Variants in DLGAP4 observed in about 807,000 individuals in gnomAD.
DLGAP4 encodes DLG associated protein 4.
Under a neutral mutation model 86.9 loss-of-function variants are expected in DLGAP4, and 18 were observed. That is an observed-to-expected ratio of 0.21 (90% CI 0.14 to 0.31). DLGAP4 has a LOEUF of 0.31. Ranked by LOEUF, DLGAP4 falls within the 10% of genes least tolerant of loss-of-function variation. DLGAP4 has a pLI of 1.00. For missense variants in DLGAP4, 1,085 were observed against 1,362.6 expected (o/e 0.80, Z 3.21); for synonymous variants, 548 against 574.3 (o/e 0.95, Z 0.65).
intron 1 of DLGAP4, among the ~76,000 whole-genome samples, chr20:36,317,220 CTT>C (rs1414809247): frequency 8.5e-6 from 1 of 117,194 alleles, no homozygotes. Context: ...CCTTCCTCTC[CTT>C]TTTTCTTTCT....
intron 7 of DLGAP4, among the ~76,000 whole-genome samples, chr20:36,494,978 TG>T (rs2035819374): frequency 2.7e-5 from 4 of 146,268 alleles, no homozygotes; most frequent in South Asian, 2.1e-4. Context: ...TTTTTTTTTT[TG>T]TTCGGTTTTT....
intron 7 of DLGAP4, among the ~76,000 whole-genome samples, chr20:36,490,857 G>A (rs2035631129): frequency 6.6e-6 from 1 of 152,130 alleles, no homozygotes. Context: ...CCACTCCTGA[G>A]TATTTGAAGC....
At chr20:36,467,971 C>T (rs1055002434) in intron 7 of DLGAP4, among the ~76,000 whole-genome samples, 1 of 152,242 alleles carries the variant, frequency 6.6e-6, no homozygotes, top group Non-Finnish European at 1.5e-5. Flanking sequence ...CAGCTCAGCT[C>T]TGCTTCTTGG....
intron 1 of DLGAP4, among the ~76,000 whole-genome samples, chr20:36,341,811 G>A (rs527348294): frequency 4.1e-4 from 63 of 152,204 alleles, no homozygotes; most frequent in Non-Finnish European, 8.1e-4. Context: ...CGGGCCTGTC[G>A]TCCCAGCTTC....
chr20:36,361,398 A>G (rs2030514226), intron 1 of DLGAP4, among the ~76,000 whole-genome samples: 1 of 151,998 alleles, frequency 6.6e-6, no homozygotes, highest in South Asian at 2.1e-4. Flanking sequence ...TATTCGAGGA[A>G]CCCTGAGTCG....
intron 2 of DLGAP4, among the ~76,000 whole-genome samples, chr20:36,389,679 A>C (rs2031722437): frequency 6.6e-6 from 1 of 152,246 alleles, no homozygotes; most frequent in African/African-American, 2.4e-5. Flanking sequence ...AAAAGGAGAA[A>C]AGAAAAGACA....
At chr20:36,407,311 A>G (rs777725839) in intron 2 of DLGAP4, among the ~76,000 whole-genome samples, 2 of 152,176 alleles carry the variant, frequency 1.3e-5, no homozygotes, top group South Asian at 2.1e-4. Flanking sequence ...GGGCTGGAGT[A>G]CAGTTGACCT....
At chr20:36,396,395 C>T (rs1409608409) in intron 2 of DLGAP4, among the ~76,000 whole-genome samples, 1 of 4,130 alleles carries the variant, frequency 2.4e-4, no homozygotes, top group African/African-American at 1.2e-3. Context: ...ACACATGCCA[C>T]ATACACACAC....
intron 2 of DLGAP4, among the ~76,000 whole-genome samples, chr20:36,421,318 C>G (rs138196010): frequency 6.6e-6 from 1 of 151,598 alleles, no homozygotes; most frequent in Non-Finnish European, 1.5e-5. Flanking sequence ...ATTGGCTGGG[C>G]GTGGTGACGT....
At chr20:36,413,437 AG>A (rs2032562237) in intron 2 of DLGAP4, among the ~76,000 whole-genome samples, 1 of 17,666 alleles carries the variant, frequency 5.7e-5, no homozygotes, top group African/African-American at 2.7e-4. Flanking sequence ...TTTTTTTTTG[AG>A]ATGGAGTCTC....
rs200346078 is a variant in DLGAP4 at position 36,431,707 on chromosome 20, G to T, written c.-11G>T. ...TGCTAGGGTGAAGGCCCCTGCCCTCGGCCCGGGATCATGAAAGGCCTCGGT... is the reference window on the plus strand; with the variant it reads ...TGCTAGGGTGAAGGCCCCTGCCCTCTGCCCGGGATCATGAAAGGCCTCGGT... On this transcript the variant is annotated 5_prime_UTR_variant, in exon 3 of 13. Transcript: ENST00000339266. This position sits in a 1 kb window ranked among gnomAD's most constrained non-coding sequence, Gnocchi z 5.1. The T allele has an allele frequency of 3.2e-6, 5 of 1,572,238 alleles. No homozygotes were observed. The highest frequency in any genetic ancestry group is 4.3e-6 in the Non-Finnish European group (5 of 1,156,480).
chr20:36,375,475 A>C (rs925453754), intron 2 of DLGAP4, among the ~76,000 whole-genome samples: 1 of 152,158 alleles, frequency 6.6e-6, no homozygotes, highest in Non-Finnish European at 1.5e-5. Context: ...AGTGCCTACC[A>C]TGTGCCAGGT....
intron 1 of DLGAP4, among the ~76,000 whole-genome samples, chr20:36,366,418 G>A (rs1165601910): frequency 6.6e-6 from 1 of 152,208 alleles, no homozygotes; most frequent in Non-Finnish European, 1.5e-5. Context: ...CAGGGGAAGT[G>A]GGTGGAGAGG....
At chr20:36,445,513 A>T (rs186628819) in intron 6 of DLGAP4, among the ~76,000 whole-genome samples, 19 of 152,346 alleles carry the variant, frequency 1.2e-4, no homozygotes, top group Admixed American at 3.3e-4. Context: ...CAAAAAAATT[A>T]AAAAAGCACA....
intron 2 of DLGAP4, among the ~76,000 whole-genome samples, chr20:36,371,495 A>AG: frequency 1.3e-5 from 2 of 152,350 alleles, no homozygotes; most frequent in African/African-American, 4.8e-5. Flanking sequence ...ACTGTCCAAG[A>AG]TGGCCCTCTC....
chr20:36,419,044 C>T (rs1455474342), intron 2 of DLGAP4, among the ~76,000 whole-genome samples: 1 of 152,078 alleles, frequency 6.6e-6, no homozygotes, highest in Non-Finnish European at 1.5e-5. Flanking sequence ...GATGTGGGGC[C>T]TAGAGAGGTG....
At chr20:36,340,015 G>A (rs779152736) in intron 1 of DLGAP4, among the ~76,000 whole-genome samples, 11 of 152,228 alleles carry the variant, frequency 7.2e-5, no homozygotes, top group Non-Finnish European at 7.3e-5. Context: ...GGAGCCTGGA[G>A]TAGCCAGGGG....
At chr20:36,514,408 CGTT>C (rs1278499890) in intron 10 of DLGAP4, among the ~76,000 whole-genome samples, 2 of 152,062 alleles carry the variant, frequency 1.3e-5, no homozygotes, top group South Asian at 4.1e-4. Flanking sequence ...ACAGCTGTTT[CGTT>C]GTTGTTGCTG....
chr20:36,478,458 C>T (rs891849623), intron 7 of DLGAP4, among the ~76,000 whole-genome samples: 7 of 152,098 alleles, frequency 4.6e-5, no homozygotes, highest in African/African-American at 9.7e-5. Context: ...TCGAAGCCTT[C>T]GGAAGTATGT....
Sources: gnomAD v4.1 joint callset for allele counts (sites outside exome capture counted in the v4.1 genomes callset) on GRCh38, gnomAD v4.1.1 for gene constraint, Gnocchi (gnomAD v3.1) non-coding constraint, MANE v1.5 for transcripts, NCBI Gene and HGNC (gene_info 2026-07-23, HGNC 2026-07-21) for gene names.